Variants in IL1RAPL2 observed in about 807,000 individuals in gnomAD.
The protein encoded by IL1RAPL2 is X-linked interleukin-1 receptor accessory protein-like 2.
Under a neutral mutation model 44.1 loss-of-function variants are expected in IL1RAPL2, and 3 were observed. The observed-to-expected ratio is 0.07, with a 90% confidence interval of 0.03 to 0.18. The LOEUF (loss-of-function observed/expected upper bound fraction) is 0.18. Ranked by LOEUF, IL1RAPL2 falls within the 10% of genes least tolerant of loss-of-function variation. The pLI is 1.00. For missense variants in IL1RAPL2, 391 were observed against 496.4 expected, an observed-to-expected ratio of 0.79 and a Z score of 2.02; for synonymous variants, 181 against 178.8, an observed-to-expected ratio of 1.01 and a Z score of -0.10.
intron 2 of IL1RAPL2, among the ~76,000 whole-genome samples, chrX:104,997,345 C>G (rs2147734658): frequency 8.9e-6 from 1 of 111,849 alleles, no homozygotes; most frequent in Admixed American, 9.5e-5. Flanking sequence ...CCAAAATTAT[C>G]TAATTTTACC....
intron 2 of IL1RAPL2, among the ~76,000 whole-genome samples, chrX:105,019,667 A>G (rs1468212755): frequency 3.6e-5 from 4 of 111,907 alleles, no homozygotes; most frequent in Non-Finnish European, 7.5e-5. Context: ...AAATTGAGCT[A>G]GAAATAAATC....
At chrX:104,737,874 C>T (rs1420917529) in intron 2 of IL1RAPL2, among the ~76,000 whole-genome samples, 1 of 111,788 alleles carries the variant, frequency 8.9e-6, no homozygotes, top group Non-Finnish European at 1.9e-5. Flanking sequence ...ACTCTAAATA[C>T]TCTCTCACTG....
chrX:104,664,778 T>A (rs777138911), intron 2 of IL1RAPL2, among the ~76,000 whole-genome samples: 2 of 111,580 alleles, frequency 1.8e-5, no homozygotes, highest in African/African-American at 3.3e-5. Flanking sequence ...AAATCCAGCA[T>A]CACAGGGCTC....
intron 2 of IL1RAPL2, among the ~76,000 whole-genome samples, chrX:105,080,832 A>T (rs1243699118): frequency 8.9e-6 from 1 of 111,823 alleles, no homozygotes; most frequent in Non-Finnish European, 1.9e-5. Flanking sequence ...CATGATATTG[A>T]TTCTTCCTAT....
chrX:104,599,106 A>C (rs1928823261), intron 1 of IL1RAPL2, among the ~76,000 whole-genome samples: 1 of 111,807 alleles, frequency 8.9e-6, no homozygotes, highest in Non-Finnish European at 1.9e-5. Flanking sequence ...GCAGATTTTC[A>C]CTGAAATGAC....
intron 3 of IL1RAPL2, among the ~76,000 whole-genome samples, chrX:105,199,858 T>C (rs571987771): frequency 1.8e-5 from 2 of 112,356 alleles, no homozygotes; most frequent in African/African-American, 6.5e-5. Context: ...GAAAAAATGT[T>C]TGGAAATCAC....
chrX:105,706,921 T>G (rs2038170524), intron 6 of IL1RAPL2, among the ~76,000 whole-genome samples: 1 of 111,656 alleles, frequency 9.0e-6, no homozygotes, highest in Non-Finnish European at 1.9e-5. Flanking sequence ...TATTCAAACT[T>G]ATTAAATGGC....
chrX:104,658,441 A>G (rs980578459), intron 1 of IL1RAPL2, among the ~76,000 whole-genome samples: 5 of 111,710 alleles, frequency 4.5e-5, no homozygotes, highest in Admixed American at 9.5e-5. Context: ...CAGGGCAGGG[A>G]TCATCACAAA....
intron 6 of IL1RAPL2, among the ~76,000 whole-genome samples, chrX:105,710,966 G>A (rs1427260605): frequency 9.5e-6 from 1 of 105,715 alleles, no homozygotes; most frequent in Non-Finnish European, 1.9e-5. Context: ...ATATATATAT[G>A]TGTGCATATG....
At chrX:104,829,818 A>G (rs908110600) in intron 2 of IL1RAPL2, among the ~76,000 whole-genome samples, 3 of 112,302 alleles carry the variant, frequency 2.7e-5, no homozygotes, top group African/African-American at 9.7e-5. Flanking sequence ...GAAAGAGTGA[A>G]TCAGTTCTTA....
At chrX:104,838,025 A>G (rs369863327) in intron 2 of IL1RAPL2, among the ~76,000 whole-genome samples, 1 of 111,514 alleles carries the variant, frequency 9.0e-6, no homozygotes, top group Admixed American at 9.6e-5. Context: ...TTTGTTGAAG[A>G]CCAGTTGGTT....
chrX:104,887,731 C>A (rs79664550), intron 2 of IL1RAPL2, among the ~76,000 whole-genome samples: 2 of 111,700 alleles, frequency 1.8e-5, no homozygotes, highest in East Asian at 5.7e-4. Flanking sequence ...ATAGTCCAGA[C>A]TTATGCTGCC....
intron 2 of IL1RAPL2, among the ~76,000 whole-genome samples, chrX:104,829,574 G>A (rs974873305): frequency 1.1e-4 from 12 of 112,214 alleles, no homozygotes; most frequent in Admixed American, 1.9e-4. Context: ...GTTCGTATTC[G>A]GCCATCTTGG....
At chrX:104,958,866 C>T (rs2029951497) in intron 2 of IL1RAPL2, among the ~76,000 whole-genome samples, 1 of 109,922 alleles carries the variant, frequency 9.1e-6, no homozygotes, top group Non-Finnish European at 1.9e-5. Context: ...GATTAAAAGC[C>T]CATTTTACCT....
intron 6 of IL1RAPL2, among the ~76,000 whole-genome samples, chrX:105,552,795 A>G (rs1001425709): frequency 1.8e-5 from 2 of 112,205 alleles, no homozygotes; most frequent in African/African-American, 6.5e-5. Context: ...ATACGTGTCT[A>G]TAATACTTAA....
At chrX:105,083,378 T>A in intron 2 of IL1RAPL2, among the ~76,000 whole-genome samples, 2 of 111,760 alleles carry the variant, frequency 1.8e-5, no homozygotes, top group Non-Finnish European at 3.8e-5. Context: ...GAAAACACTC[T>A]TCAGGATATT....
At chrX:105,733,272 T>A (rs752737026) in intron 7 of IL1RAPL2, among the ~76,000 whole-genome samples, 1 of 111,785 alleles carries the variant, frequency 8.9e-6, no homozygotes, top group South Asian at 3.7e-4. Flanking sequence ...GGTGGGTATT[T>A]CTTTTTACCC....
At chrX:105,329,168 T>C (rs1356624567) in intron 5 of IL1RAPL2, among the ~76,000 whole-genome samples, 1 of 112,498 alleles carries the variant, frequency 8.9e-6, no homozygotes, top group Non-Finnish European at 1.9e-5. Context: ...ATTGTTGAGA[T>C]GACCCAGGAC....
intron 1 of IL1RAPL2, among the ~76,000 whole-genome samples, chrX:104,585,379 ATATATAT>A (rs1195235217): frequency 4.3e-5 from 1 of 23,109 alleles, no homozygotes; most frequent in South Asian, 1.4e-3. Context: ...ATTATATATA[ATATATAT>A]TATATATAAT....
Sources: gnomAD v4.1 joint callset for allele counts (sites outside exome capture counted in the v4.1 genomes callset) on GRCh38, gnomAD v4.1.1 for gene constraint, MANE v1.5 for transcripts, NCBI Gene and HGNC (gene_info 2026-07-23, HGNC 2026-07-21) for gene names.